Variants in MCPH1 observed in about 807,000 individuals in gnomAD.
The protein encoded by MCPH1 is microcephalin.
In MCPH1, 104 loss-of-function variants were observed where a neutral mutation model predicts 84.5. That is an observed-to-expected ratio of 1.23 (90% CI 1.05 to 1.45). MCPH1 has a LOEUF of 1.45. MCPH1 is among the 40% of genes most tolerant of loss of function. The probability of loss-of-function intolerance (pLI) is 0.00; values close to 1 mark genes in which losing one functional copy is unlikely to be tolerated. For synonymous variants in MCPH1, 514 were observed against 366.8 expected (o/e 1.40, Z -4.58); for missense variants, 1,498 against 1,005.7 (o/e 1.49, Z -6.62).
chr8:6,609,819 G>GCCCCCCCCCCCC lies in MCPH1; in HGVS notation c.2215-11625_2215-11624insCCCCCCCCCCCC, dbSNP rs11280683. Among the ~76,000 whole-genome samples, 52 of 104,072 alleles carry GCCCCCCCCCCCC rather than the reference G, an allele frequency of 5.0e-4. 7 individuals carry two copies. Among genetic ancestry groups the GCCCCCCCCCCCC allele is most frequent in the Admixed American group, 7.5e-4 (8 of 10,696 alleles). The allele number at this position is 104,072 out of a possible 152,430, so 68.3% of individuals were successfully genotyped here. ...TCTCATTATCAAAGCAATGCCCCCC[G>GCCCCCCCCCCCC]CCCCCCCCCCACACACAGACTGCCA... On this transcript the variant is annotated intron_variant, in intron 12 of 13. Transcript: ENST00000344683.
At chr8:6,532,968 A>G (rs1317504271) in intron 12 of MCPH1, among the ~76,000 whole-genome samples, 7 of 152,278 alleles carry the variant, frequency 4.6e-5, no homozygotes, top group Non-Finnish European at 1.0e-4. Context: ...CTAAGACAGC[A>G]TATAAGGAGA....
chr8:6,565,805 A>C (rs1826098549), intron 12 of MCPH1, among the ~76,000 whole-genome samples: 1 of 152,224 alleles, frequency 6.6e-6, no homozygotes, highest in Non-Finnish European at 1.5e-5. Flanking sequence ...TCGGAGCACA[A>C]AGAAAGACAG....
At chr8:6,594,794 T>A (rs1313877542) in intron 12 of MCPH1, among the ~76,000 whole-genome samples, 1 of 152,106 alleles carries the variant, frequency 6.6e-6, no homozygotes, top group African/African-American at 2.4e-5. Flanking sequence ...AGGGGAGGCA[T>A]ACATATGTCA....
At chr8:6,488,476 C>A (rs1267108880) in intron 11 of MCPH1, among the ~76,000 whole-genome samples, 1 of 152,148 alleles carries the variant, frequency 6.6e-6, no homozygotes, top group Non-Finnish European at 1.5e-5. Context: ...TGGAGTCACC[C>A]TGAGATGCAA....
intron 11 of MCPH1, among the ~76,000 whole-genome samples, chr8:6,488,114 G>A (rs573454637): frequency 6.6e-6 from 1 of 152,260 alleles, no homozygotes; most frequent in Non-Finnish European, 1.5e-5. Context: ...TTCCTGAGCA[G>A]TGCCAGAGCT....
At chr8:6,576,201 AT>A (rs1827078784) in intron 12 of MCPH1, among the ~76,000 whole-genome samples, 1 of 152,154 alleles carries the variant, frequency 6.6e-6, no homozygotes, top group Admixed American at 6.5e-5. Context: ...GGTGATAGCT[AT>A]GCAAAGCTTC....
At chr8:6,617,611 G>A (rs535119164) in intron 12 of MCPH1, among the ~76,000 whole-genome samples, 4 of 152,032 alleles carry the variant, frequency 2.6e-5, no homozygotes, top group South Asian at 2.1e-4. Flanking sequence ...TTTCTGGGGT[G>A]TGTGCATGTG....
At chr8:6,633,764 G>A (rs758491892) in intron 13 of MCPH1, among the ~76,000 whole-genome samples, 8 of 152,168 alleles carry the variant, frequency 5.3e-5, no homozygotes, top group African/African-American at 1.2e-4. Context: ...TACCTCACGT[G>A]GGGCCGAGAA....
chr8:6,562,382 T>C (rs1409425814), intron 12 of MCPH1, among the ~76,000 whole-genome samples: 2 of 152,076 alleles, frequency 1.3e-5, no homozygotes, highest in Admixed American at 1.3e-4. Context: ...ACCTTGTTAA[T>C]AAAGATTTCT....
At chr8:6,501,860 G>A (rs950294828) in intron 12 of MCPH1, 53 of 150,680 alleles carry the variant, frequency 3.5e-4, no homozygotes, top group African/African-American at 1.1e-3. Context: ...CCAGCCCTGT[G>A]TTCTCAAATT....
At position 6,592,956 on chromosome 8, in the gene MCPH1, C is replaced by T. The variant is rs919662966; in HGVS notation, c.2215-28498C>T. Among the ~76,000 whole-genome samples, 31 of 151,786 alleles carry T rather than the reference C, an allele frequency of 2.0e-4. 1 individual carries two copies. The highest frequency in any genetic ancestry group is 6.8e-3 in the Middle Eastern group (2 of 294). ...TGCTGGGATTACAGGCGTGAGCCAC[C>T]GTGCCAGGCCGGCTCTTGTTTTTCT... On this transcript the variant is annotated intron_variant, in intron 12 of 13. Coordinates refer to ENST00000344683, the MANE Select transcript of MCPH1 (RefSeq NM_024596.5).
intron 12 of MCPH1, among the ~76,000 whole-genome samples, chr8:6,515,954 G>A (rs1816188529): frequency 6.6e-6 from 1 of 152,118 alleles, no homozygotes; most frequent in Non-Finnish European, 1.5e-5. Flanking sequence ...GAAGTGCAGT[G>A]GCTGCCTGAT....
At chr8:6,448,078 A>C (rs1047952367) in intron 8 of MCPH1, among the ~76,000 whole-genome samples, 3 of 151,862 alleles carry the variant, frequency 2.0e-5, no homozygotes, top group Non-Finnish European at 4.4e-5. Flanking sequence ...GTGGGGACAT[A>C]GAGAATGAAG....
At chr8:6,558,811 A>G (rs544947762) in intron 12 of MCPH1, among the ~76,000 whole-genome samples, 2 of 152,330 alleles carry the variant, frequency 1.3e-5, no homozygotes, top group Admixed American at 1.3e-4. Flanking sequence ...TAGAAAACAT[A>G]TGATATATGT....
At chr8:6,625,024 G>A (rs1040905849) in intron 13 of MCPH1, 5 of 478,702 alleles carry the variant, frequency 1.0e-5, no homozygotes, top group East Asian at 1.5e-4. Flanking sequence ...TACAGGCCCC[G>A]CCACCATGCC....
chr8:6,576,324 G>A (rs1827092562), intron 12 of MCPH1, among the ~76,000 whole-genome samples: 1 of 152,096 alleles, frequency 6.6e-6, no homozygotes, highest in African/African-American at 2.4e-5. Context: ...AGGAAGATGG[G>A]GCTGACCTCA....
rs929496973 is a variant in MCPH1, at chr8:6,414,762, C to T, written c.115-3C>T. The T allele has an allele frequency of 2.5e-6, 4 of 1,613,362 alleles. No homozygotes were observed. The highest frequency in any genetic ancestry group is 3.4e-6 in the Non-Finnish European group (4 of 1,179,624). On this transcript the variant is annotated splice_region_variant and splice_polypyrimidine_tract_variant and intron_variant, in intron 2 of 13. Coordinates refer to ENST00000344683, the MANE Select transcript of MCPH1 (RefSeq NM_024596.5). Reference sequence around the variant, plus strand: ...CATTTTGTTTTCTGCATTTTGTCTACAGGTTTCAAAAACTTTTAACAAACA... The same window carrying T: ...CATTTTGTTTTCTGCATTTTGTCTATAGGTTTCAAAAACTTTTAACAAACA...
intron 9 of MCPH1, among the ~76,000 whole-genome samples, chr8:6,462,036 A>T (rs940942355): frequency 7.2e-5 from 11 of 152,244 alleles, no homozygotes; most frequent in African/African-American, 2.7e-4. Context: ...CATCTCTGCC[A>T]ATCCAGCTTG....
At chr8:6,513,183 T>G (rs554440675) in intron 12 of MCPH1, among the ~76,000 whole-genome samples, 41 of 152,344 alleles carry the variant, frequency 2.7e-4, no homozygotes, top group Non-Finnish European at 4.6e-4. Context: ...TTGTATGAAG[T>G]TTCTTTTATA....
Sources: gnomAD v4.1 joint callset for allele counts (sites outside exome capture counted in the v4.1 genomes callset) on GRCh38, gnomAD v4.1.1 for gene constraint, MANE v1.5 for transcripts, NCBI Gene and HGNC (gene_info 2026-07-23, HGNC 2026-07-21) for gene names.